The following AKT3 variants were observed in gnomAD, a reference collection of about 807,000 sequenced individuals.
AKT3 encodes AKT serine/threonine kinase 3.
A neutral mutation model predicts 65.3 loss-of-function variants in AKT3; 15 were observed. That is an observed-to-expected ratio of 0.23 (90% CI 0.15 to 0.35). The LOEUF is 0.35. Ranked by LOEUF, AKT3 falls within the 10% of genes least tolerant of loss-of-function variation. The probability of loss-of-function intolerance (pLI) is 1.00; values close to 1 mark genes in which losing one functional copy is unlikely to be tolerated. For synonymous variants in AKT3, 206 were observed against 183.8 expected, an observed-to-expected ratio of 1.12 and a Z score of -0.98; for missense variants, 243 against 576.5, an observed-to-expected ratio of 0.42 and a Z score of 5.92.
At chr1:243,833,481 G>A (rs1657205114) in intron 2 of AKT3, among the ~76,000 whole-genome samples, 1 of 151,918 alleles carries the variant, frequency 6.6e-6, no homozygotes, top group Non-Finnish European at 1.5e-5. Context: ...GATAACACGA[G>A]AACAGCATGG....
intron 9 of AKT3, among the ~76,000 whole-genome samples, chr1:243,566,040 C>T (rs1674132568): frequency 6.6e-6 from 1 of 152,112 alleles, no homozygotes; most frequent in Admixed American, 6.5e-5. Context: ...TGTGCCAATA[C>T]TCCTCACATG....
intron 8 of AKT3, among the ~76,000 whole-genome samples, chr1:243,595,272 T>C (rs1324296938): frequency 1.3e-5 from 2 of 152,100 alleles, no homozygotes; most frequent in African/African-American, 2.4e-5. Context: ...AAATATGATA[T>C]AGAAGATTTA....
chr1:243,565,640 T>C lies in AKT3; in HGVS notation c.820-1792A>G, dbSNP rs552353746. On this transcript the variant is annotated intron_variant, in intron 9 of 13. Coordinates refer to ENST00000673466, the MANE Select transcript of AKT3 (RefSeq NM_005465.7). ...CACAAATGACAATAAGTCTTGTATA[T>C]TGAAACCAATCAGAAACATCAAGAG... 8.5e-5 allele frequency among the ~76,000 whole-genome samples: 13 copies of C among 152,330 alleles called. No homozygotes were observed. The South Asian group carries it at 1.4e-3, about 17-fold the overall frequency.
intron 2 of AKT3, among the ~76,000 whole-genome samples, chr1:243,749,021 T>C (rs1395027675): frequency 1.3e-5 from 2 of 152,176 alleles, no homozygotes; most frequent in South Asian, 4.1e-4. Context: ...TATAATTTCC[T>C]CAGTTCTACT....
At chr1:243,499,649 TCCAACAAC>T, downstream of AKT3, 1 of 924,260 alleles carries the variant, frequency 1.1e-6, no homozygotes, top group South Asian at 1.4e-5. Flanking sequence ...GGTTTTTTTC[TCCAACAAC>T]AGTTTTCATC....
intron 2 of AKT3, among the ~76,000 whole-genome samples, chr1:243,764,962 C>T (rs1236510100): frequency 1.3e-5 from 2 of 152,054 alleles, no homozygotes; most frequent in Non-Finnish European, 2.9e-5. Flanking sequence ...ATTCATTAGA[C>T]AGATGTCTAA....
chr1:243,848,492 C>A (rs1378018972), intron 1 of AKT3, among the ~76,000 whole-genome samples: 1 of 152,192 alleles, frequency 6.6e-6, no homozygotes, highest in Non-Finnish European at 1.5e-5. Flanking sequence ...GACTAATCTT[C>A]ATTTCCTACA....
intron 2 of AKT3, among the ~76,000 whole-genome samples, chr1:243,768,563 C>G (rs1006669571): frequency 6.6e-6 from 1 of 152,174 alleles, no homozygotes; most frequent in Admixed American, 6.5e-5. Flanking sequence ...ATAGGCCGGG[C>G]GTGGTGGCTC....
At chr1:243,803,907 T>A (rs1255357048) in intron 2 of AKT3, among the ~76,000 whole-genome samples, 2 of 152,292 alleles carry the variant, frequency 1.3e-5, no homozygotes, top group South Asian at 2.1e-4. Context: ...ACCATATAAC[T>A]GGTGAGAAGG....
intron 3 of AKT3, among the ~76,000 whole-genome samples, chr1:243,688,179 T>C (rs934121513): frequency 3.9e-5 from 6 of 152,018 alleles, no homozygotes; most frequent in Admixed American, 1.3e-4. Context: ...GCACCAAATC[T>C]TCAAGTGATA....
At chr1:243,610,643 G>A (rs1677801015) in intron 8 of AKT3, among the ~76,000 whole-genome samples, 1 of 152,086 alleles carries the variant, frequency 6.6e-6, no homozygotes, top group African/African-American at 2.4e-5. Flanking sequence ...AAACACAAAA[G>A]ATACTGAAAA....
chr1:243,815,355 T>C (rs1467696304), intron 2 of AKT3, among the ~76,000 whole-genome samples: 2 of 152,188 alleles, frequency 1.3e-5, no homozygotes, highest in East Asian at 3.9e-4. Context: ...GTTGCTAAAC[T>C]TTCTGCCACC....
chr1:243,528,107 T>C (rs1671280972), intron 12 of AKT3, among the ~76,000 whole-genome samples: 1 of 152,198 alleles, frequency 6.6e-6, no homozygotes, highest in South Asian at 2.1e-4. Context: ...CTCCTTTCTA[T>C]AGGTTAGCTA....
intron 12 of AKT3, among the ~76,000 whole-genome samples, chr1:243,542,607 A>G (rs1318806786): frequency 6.6e-6 from 1 of 152,230 alleles, no homozygotes; most frequent in African/African-American, 2.4e-5. Flanking sequence ...GAATGAATTG[A>G]CTTTTACAAT....
chr1:243,806,478 A>C (rs900440290), intron 2 of AKT3, among the ~76,000 whole-genome samples: 3 of 152,192 alleles, frequency 2.0e-5, no homozygotes, highest in Non-Finnish European at 2.9e-5. Context: ...GTGAATACCA[A>C]AAGCATTAAC....
intron 12 of AKT3, among the ~76,000 whole-genome samples, chr1:243,536,800 A>C (rs1160928996): frequency 6.6e-6 from 1 of 152,214 alleles, no homozygotes; most frequent in African/African-American, 2.4e-5. Context: ...TGTAAGGCTT[A>C]GCCATCAGAA....
At position 243,505,369 on chromosome 1, in the gene AKT3, A is replaced by G. The variant is rs201734360; in HGVS notation, c.1355-35T>C. The G allele has an allele frequency of 3.3e-3, 5,202 of 1,589,646 alleles. 21 individuals carry two copies. Among genetic ancestry groups the G allele is most frequent in the Non-Finnish European group, 3.8e-3 (4,455 of 1,158,922 alleles). ...GGAAACATCTATTTTAATTTTACAC[A>G]TTCATTTTTTGCAACATTATCTCTA... On this transcript the variant is annotated intron_variant, in intron 13 of 13. Transcript: ENST00000673466.
intron 10 of AKT3, among the ~76,000 whole-genome samples, chr1:243,556,182 C>T (rs1259231729): frequency 6.6e-6 from 1 of 151,960 alleles, no homozygotes. Context: ...ACAGCAGATA[C>T]AAATTAACAT....
At chr1:243,610,992 C>G (rs1483875684) in intron 8 of AKT3, among the ~76,000 whole-genome samples, 5 of 152,164 alleles carry the variant, frequency 3.3e-5, no homozygotes, top group Non-Finnish European at 7.4e-5. Context: ...GTATACTTAT[C>G]TATATATCAT....
Sources: gnomAD v4.1 joint callset for allele counts (sites outside exome capture counted in the v4.1 genomes callset) on GRCh38, gnomAD v4.1.1 for gene constraint, MANE v1.5 for transcripts, NCBI Gene and HGNC (gene_info 2026-07-23, HGNC 2026-07-21) for gene names.